ACOXL: variants seen among roughly 807,000 people sequenced by gnomAD.
The protein encoded by ACOXL is acyl-coenzyme A oxidase-like protein.
In ACOXL, 70 loss-of-function variants were observed where a neutral mutation model predicts 71.9. The ratio of observed to expected loss-of-function variants is 0.97; its 90% CI spans 0.80 to 1.19. The LOEUF is 1.19. Among genes scored for constraint, ACOXL ranks in the 50% most tolerant of loss-of-function variants. The pLI is 0.00. For synonymous variants in ACOXL, 253 were observed against 281.6 expected (o/e 0.90, Z 1.02); for missense variants, 703 against 736.3 (o/e 0.95, Z 0.52).
chr2:111,054,630 C>T (rs572987665), intron 16 of ACOXL, among the ~76,000 whole-genome samples: 20 of 152,178 alleles, frequency 1.3e-4, no homozygotes, highest in Admixed American at 2.6e-4. Flanking sequence ...CGCCTGGGAG[C>T]GTGTGGAAGG....
At chr2:110,876,465 G>A (rs1695918565) in intron 10 of ACOXL, among the ~76,000 whole-genome samples, 2 of 152,172 alleles carry the variant, frequency 1.3e-5, no homozygotes, top group South Asian at 4.1e-4. Context: ...CTGGGAGGGA[G>A]GGAGCAGGCT....
chr2:110,926,215 A>G lies in ACOXL; in HGVS notation c.906-7274A>G, dbSNP rs143504121. Among the ~76,000 whole-genome samples, 740 of 152,362 alleles carry G rather than the reference A, an allele frequency of 4.9e-3. 7 individuals are homozygous for G. Among genetic ancestry groups the G allele is most frequent in the African/African-American group, 0.017 (703 of 41,584 alleles). ...TTGTGAGAATTACCAAAACGTCACAAAGACACAAAGTGAATATGTGCTGCT... is the reference window on the plus strand; with the variant it reads ...TTGTGAGAATTACCAAAACGTCACAGAGACACAAAGTGAATATGTGCTGCT... On this transcript the variant is annotated intron_variant, in intron 11 of 17. Coordinates refer to ENST00000439055, the MANE Select transcript of ACOXL (RefSeq NM_001142807.4).
intron 16 of ACOXL, among the ~76,000 whole-genome samples, chr2:111,084,022 C>T (rs141616600): frequency 3.2e-4 from 48 of 151,452 alleles, no homozygotes; most frequent in African/African-American, 1.0e-3. Flanking sequence ...GACAATACTT[C>T]CAGAAAAAAA....
intron 9 of ACOXL, among the ~76,000 whole-genome samples, chr2:110,805,681 G>A (rs545501158): frequency 5.3e-5 from 8 of 152,358 alleles, no homozygotes; most frequent in Admixed American, 3.3e-4. Context: ...CAGGGAGAAC[G>A]GGATGTTCAG....
intron 12 of ACOXL, among the ~76,000 whole-genome samples, chr2:110,955,559 A>C (rs915589643): frequency 6.6e-6 from 1 of 152,008 alleles, no homozygotes; most frequent in Non-Finnish European, 1.5e-5. Context: ...TTAACTTTAC[A>C]TTGCACCTAA....
chr2:111,008,302 A>G, intron 14 of ACOXL, among the ~76,000 whole-genome samples: 1 of 152,194 alleles, frequency 6.6e-6, no homozygotes, highest in East Asian at 1.9e-4. Flanking sequence ...TGCTATACAC[A>G]AAAGTGTACT....
At chr2:110,964,421 T>G (rs13000679) in intron 12 of ACOXL, among the ~76,000 whole-genome samples, 12,347 of 152,238 alleles carry the variant, frequency 0.081, 857 homozygotes, top group East Asian at 0.35. Context: ...TAACAGAAAT[T>G]TAAAACTTAT....
intron 17 of ACOXL, chr2:111,093,866 A>G (rs976228679): frequency 5.0e-6 from 1 of 198,802 alleles, no homozygotes; most frequent in Non-Finnish European, 1.0e-5. Context: ...TCCATCTCAA[A>G]ACAAAACAAA....
intron 1 of ACOXL, among the ~76,000 whole-genome samples, chr2:110,764,822 A>G (rs1328757360): frequency 6.6e-6 from 1 of 152,194 alleles, no homozygotes; most frequent in African/African-American, 2.4e-5. Context: ...AAAAAAGTCT[A>G]TTAAAAACCC....
intron 1 of ACOXL, among the ~76,000 whole-genome samples, chr2:110,755,919 C>T (rs1045793597): frequency 3.9e-5 from 6 of 152,062 alleles, no homozygotes; most frequent in Non-Finnish European, 7.4e-5. Context: ...AAAAAATACA[C>T]ACACATGCAA....
chr2:110,893,789 A>T (rs372596516), intron 10 of ACOXL, among the ~76,000 whole-genome samples: 1 of 152,178 alleles, frequency 6.6e-6, no homozygotes, highest in Non-Finnish European at 1.5e-5. Flanking sequence ...TGTAGCATAT[A>T]TACCTGTCTG....
At chr2:110,790,007 C>T (rs1344146708) in intron 3 of ACOXL, among the ~76,000 whole-genome samples, 1 of 152,246 alleles carries the variant, frequency 6.6e-6, no homozygotes, top group Non-Finnish European at 1.5e-5. Context: ...CCCAGCCACA[C>T]TTTTGGCATG....
intron 1 of ACOXL, among the ~76,000 whole-genome samples, chr2:110,734,897 A>G (rs1271324524): frequency 7.4e-6 from 1 of 134,336 alleles, no homozygotes; most frequent in African/African-American, 2.8e-5. Context: ...TTATTGACTT[A>G]CATTTGTTCA....
At chr2:110,999,421 A>T (rs188019484) in intron 14 of ACOXL, among the ~76,000 whole-genome samples, 16 of 152,252 alleles carry the variant, frequency 1.1e-4, no homozygotes, top group African/African-American at 3.4e-4. Flanking sequence ...AGCCACTACC[A>T]GTTGGCAATA....
chr2:111,065,043 T>A (rs1269341317), intron 16 of ACOXL, among the ~76,000 whole-genome samples: 1 of 152,184 alleles, frequency 6.6e-6, no homozygotes, highest in Non-Finnish European at 1.5e-5. Context: ...GGAACTAGAA[T>A]AGCTAAAACA....
intron 16 of ACOXL, among the ~76,000 whole-genome samples, chr2:111,092,213 GCTCT>G (rs749150717): frequency 3.3e-5 from 5 of 152,160 alleles, no homozygotes; most frequent in African/African-American, 1.2e-4. Context: ...CCCATACTAT[GCTCT>G]CTATTTTTGC....
intron 17 of ACOXL, among the ~76,000 whole-genome samples, chr2:111,105,196 T>C (rs1338866242): frequency 6.6e-6 from 1 of 152,154 alleles, no homozygotes; most frequent in East Asian, 1.9e-4. Flanking sequence ...TGCATCTGTG[T>C]GTCTATCCCT....
chr2:110,896,456 A>G (rs2059010515), intron 10 of ACOXL, among the ~76,000 whole-genome samples: 4 of 152,198 alleles, frequency 2.6e-5, no homozygotes, highest in African/African-American at 7.2e-5. Flanking sequence ...TTAAAAACGT[A>G]ACTGAACTCT....
intron 10 of ACOXL, among the ~76,000 whole-genome samples, chr2:110,865,635 T>C (rs1025427921): frequency 1.3e-5 from 2 of 152,228 alleles, no homozygotes; most frequent in African/African-American, 4.8e-5. Context: ...CACATTCTTA[T>C]TATAAACCTC....
Sources: gnomAD v4.1 joint callset for allele counts (sites outside exome capture counted in the v4.1 genomes callset) on GRCh38, gnomAD v4.1.1 for gene constraint, MANE v1.5 for transcripts, NCBI Gene and HGNC (gene_info 2026-07-23, HGNC 2026-07-21) for gene names.